Variants in CSMD1 observed in about 807,000 individuals in gnomAD.
The protein encoded by CSMD1 is CUB and sushi domain-containing protein 1.
A neutral mutation model predicts 417.5 loss-of-function variants in CSMD1; 213 were observed. That is an observed-to-expected ratio of 0.51 (90% CI 0.46 to 0.57). CSMD1 has a LOEUF of 0.57. Ranked by LOEUF, CSMD1 falls within the 20% of genes least tolerant of loss-of-function variation. The probability of loss-of-function intolerance (pLI) is 0.00; values close to 1 mark genes in which losing one functional copy is unlikely to be tolerated. For synonymous variants in CSMD1, 2,862 were observed against 1,736.8 expected, an observed-to-expected ratio of 1.65 and a Z score of -16.11; for missense variants, 6,923 against 4,529.7, an observed-to-expected ratio of 1.53 and a Z score of -15.17.
chr8:3,642,491 A>C (rs1797356306), intron 7 of CSMD1, among the ~76,000 whole-genome samples: 1 of 152,190 alleles, frequency 6.6e-6, no homozygotes, highest in South Asian at 2.1e-4. Flanking sequence ...GCAAACACAA[A>C]TCCTCTCTGG....
chr8:3,557,793 C>A (rs142857880), intron 10 of CSMD1, among the ~76,000 whole-genome samples: 3 of 152,252 alleles, frequency 2.0e-5, no homozygotes, highest in African/African-American at 7.2e-5. Flanking sequence ...CAGATAGAGT[C>A]TTTGGTTGTT....
chr8:4,751,014 C>A (rs951369484), intron 1 of CSMD1, among the ~76,000 whole-genome samples: 5 of 152,282 alleles, frequency 3.3e-5, no homozygotes, highest in African/African-American at 1.2e-4. Context: ...TATATGGTGG[C>A]TATTTGCTAA....
At chr8:3,904,117 A>T (rs1176933265) in intron 5 of CSMD1, among the ~76,000 whole-genome samples, 1 of 152,124 alleles carries the variant, frequency 6.6e-6, no homozygotes, top group Non-Finnish European at 1.5e-5. Context: ...TAATGAAGTA[A>T]TTCGGCCTTG....
intron 4 of CSMD1, among the ~76,000 whole-genome samples, chr8:4,004,423 T>C (rs1585116333): frequency 8.6e-6 from 1 of 116,310 alleles, no homozygotes; most frequent in Admixed American, 9.7e-5. Flanking sequence ...CATGAATCTT[T>C]TTTTTTTTTT....
intron 1 of CSMD1, among the ~76,000 whole-genome samples, chr8:4,680,703 C>T (rs917193009): frequency 2.0e-5 from 3 of 152,048 alleles, no homozygotes; most frequent in Admixed American, 6.6e-5. Context: ...CCTCAGCCTC[C>T]CGAGTAGCTG....
chr8:3,511,767 CATAACAT>C (rs1797079716), intron 10 of CSMD1, among the ~76,000 whole-genome samples: 1 of 13,676 alleles, frequency 7.3e-5, no homozygotes, highest in Admixed American at 6.8e-4. Context: ...AAAAAAATAA[CATAACAT>C]AACATAACAT....
At chr8:3,122,489 G>A (rs538237611) in intron 41 of CSMD1, among the ~76,000 whole-genome samples, 15 of 152,222 alleles carry the variant, frequency 9.9e-5, no homozygotes, top group Admixed American at 5.9e-4. Flanking sequence ...TGCAGTTGAC[G>A]TGGTATGGCT....
chr8:3,747,835 C>G (rs1185759739), intron 6 of CSMD1, among the ~76,000 whole-genome samples: 1 of 152,088 alleles, frequency 6.6e-6, no homozygotes, highest in Non-Finnish European at 1.5e-5. Flanking sequence ...TGTGGAATTT[C>G]AAGCTGTTTG....
Position 3,981,842 on chromosome 8 carries a change from G to A in CSMD1, c.818+16061C>T, listed in dbSNP as rs1813895479. Reference sequence around the variant, plus strand: ...TTTCAGTGAGTCAGCAGGAGGGCGTGCACTTGCTGCAGGGAGTAATGCAGC... The same window carrying A: ...TTTCAGTGAGTCAGCAGGAGGGCGTACACTTGCTGCAGGGAGTAATGCAGC... On this transcript the variant is annotated intron_variant, in intron 5 of 69. Coordinates refer to ENST00000635120, the MANE Select transcript of CSMD1 (RefSeq NM_033225.6). Among the ~76,000 whole-genome samples, 8 of 152,272 alleles carry A rather than the reference G, an allele frequency of 5.3e-5. No individual in the cohort carries two copies. The South Asian group carries it at 1.7e-3, about 32-fold the overall frequency.
intron 69 of CSMD1, among the ~76,000 whole-genome samples, chr8:2,941,621 G>C (rs1484588621): frequency 6.6e-6 from 1 of 152,188 alleles, no homozygotes; most frequent in Non-Finnish European, 1.5e-5. Flanking sequence ...CCAAGGAAAG[G>C]ATCTGGTTCA....
chr8:4,736,864 G>C (rs1024752027), intron 1 of CSMD1, among the ~76,000 whole-genome samples: 1 of 152,102 alleles, frequency 6.6e-6, no homozygotes, highest in African/African-American at 2.4e-5. Flanking sequence ...ACCTAATGCA[G>C]AGCTGGTATG....
At chr8:4,795,108 T>C (rs980526) in intron 1 of CSMD1, among the ~76,000 whole-genome samples, 4,513 of 151,792 alleles carry the variant, frequency 0.03, 225 homozygotes, top group African/African-American at 0.1. Context: ...GTGGAATAGA[T>C]ACAGCAAAAA....
intron 5 of CSMD1, among the ~76,000 whole-genome samples, chr8:3,785,689 C>T (rs570555840): frequency 5.1e-4 from 77 of 152,170 alleles, no homozygotes; most frequent in African/African-American, 1.7e-3. Flanking sequence ...GGGCTGTGTG[C>T]ATGGAGGAGC....
At chr8:3,767,311 G>C (rs967677386) in intron 5 of CSMD1, among the ~76,000 whole-genome samples, 3 of 152,216 alleles carry the variant, frequency 2.0e-5, no homozygotes, top group Non-Finnish European at 4.4e-5. Flanking sequence ...TGGTCATTAC[G>C]AACACGGACA....
Position 3,091,516 on chromosome 8 carries a change from C to G in CSMD1, c.7285G>C (p.Ala2429Pro). ...TAAAATCTAAACCTCATTTACTTACCTGCATAGCGAATCTTGAATCCTTTC... is the reference window on the plus strand; with the variant it reads ...TAAAATCTAAACCTCATTTACTTACGTGCATAGCGAATCTTGAATCCTTTC... ...SKKGFKIRYA[A>P]PYCSLTHPLK... The change falls in exon 48 of 70, where the codon GCA becomes CCA. Residue 2429 changes from alanine to proline, a missense_variant and splice_region_variant. Transcript: ENST00000635120. 1 of 1,598,706 alleles carries G rather than the reference C, an allele frequency of 6.3e-7. No homozygotes were observed. The highest frequency in any genetic ancestry group is 2.3e-5 in the East Asian group (1 of 44,174).
At chr8:3,751,479 A>G (rs1334639537) in intron 6 of CSMD1, among the ~76,000 whole-genome samples, 3 of 148,414 alleles carry the variant, frequency 2.0e-5, no homozygotes, top group East Asian at 3.9e-4. Flanking sequence ...AATTAAGCAT[A>G]TATTATAGAA....
chr8:3,477,133 C>G (rs1178465287), intron 11 of CSMD1, among the ~76,000 whole-genome samples: 2 of 152,088 alleles, frequency 1.3e-5, no homozygotes, highest in Non-Finnish European at 2.9e-5. Flanking sequence ...ATAATTTGTT[C>G]AGACCTGAAG....
At chr8:3,609,156 C>G (rs1445596479) in intron 8 of CSMD1, among the ~76,000 whole-genome samples, 1 of 152,192 alleles carries the variant, frequency 6.6e-6, no homozygotes, top group African/African-American at 2.4e-5. Context: ...GGTTAGCGTT[C>G]TGAATTTCAA....
chr8:3,876,537 T>C (rs1805834060), intron 5 of CSMD1, among the ~76,000 whole-genome samples: 1 of 152,248 alleles, frequency 6.6e-6, no homozygotes, highest in Admixed American at 6.5e-5. Context: ...AATTTATTCA[T>C]ATTTATTCCT....
Sources: gnomAD v4.1 joint callset for allele counts (sites outside exome capture counted in the v4.1 genomes callset) on GRCh38, gnomAD v4.1.1 for gene constraint, MANE v1.5 for transcripts, NCBI Gene and HGNC (gene_info 2026-07-23, HGNC 2026-07-21) for gene names.